GALNT13: variants seen among roughly 807,000 people sequenced by gnomAD.
The protein encoded by GALNT13 is polypeptide N-acetylgalactosaminyltransferase 13.
In GALNT13, 28 loss-of-function variants were observed where a neutral mutation model predicts 64.2. That is an observed-to-expected ratio of 0.44 (90% CI 0.32 to 0.60). GALNT13 has a LOEUF of 0.60. Ranked by LOEUF, GALNT13 falls within the 20% of genes least tolerant of loss-of-function variation. The pLI is 0.05. For synonymous variants in GALNT13, 214 were observed against 224.6 expected, an observed-to-expected ratio of 0.95 and a Z score of 0.42; for missense variants, 577 against 669.8, an observed-to-expected ratio of 0.86 and a Z score of 1.53.
At chr2:154,236,198 A>ATGTGTT (rs751331859) in intron 4 of GALNT13, 294 of 1,042,208 alleles carry the variant, frequency 2.8e-4, no homozygotes, top group Non-Finnish European at 3.3e-4. Flanking sequence ...TCCTACTTTT[A>ATGTGTT]TAAGATATAA....
At chr2:153,679,990 T>C in the GALNT13 span, among the ~76,000 whole-genome samples, 2 of 151,936 alleles carry the variant, frequency 1.3e-5, no homozygotes, top group Non-Finnish European at 2.9e-5. Flanking sequence ...TAGTTTTATC[T>C]TCAGTATAAA....
the GALNT13 span, among the ~76,000 whole-genome samples, chr2:153,212,735 C>G: frequency 6.6e-6 from 1 of 152,088 alleles, no homozygotes; most frequent in African/African-American, 2.4e-5. Context: ...ATCAAGGATT[C>G]TTTTTATTAT....
intron 9 of GALNT13, among the ~76,000 whole-genome samples, chr2:154,392,165 C>G (rs576773654): frequency 1.7e-4 from 26 of 152,258 alleles, no homozygotes; most frequent in African/African-American, 5.5e-4. Flanking sequence ...CTGTGTCCTG[C>G]TGCTTGCTGC....
intron 9 of GALNT13, among the ~76,000 whole-genome samples, chr2:154,370,328 C>T (rs1011222768): frequency 2.6e-5 from 4 of 151,962 alleles, no homozygotes; most frequent in Non-Finnish European, 5.9e-5. Context: ...GTCTGATATG[C>T]GTTTTTCAAA....
intron 3 of GALNT13, among the ~76,000 whole-genome samples, chr2:154,119,429 T>C (rs116088975): frequency 0.014 from 2,202 of 152,282 alleles, 24 homozygotes; most frequent in Non-Finnish European, 0.022. Flanking sequence ...TGAATTTGAC[T>C]GAGCTCTGTG....
chr2:154,283,441 G>A lies in GALNT13; in HGVS notation c.976-17968G>A, dbSNP rs145468932. On this transcript the variant is annotated intron_variant, in intron 8 of 12. Transcript: ENST00000392825. ...ATCAATTATTATTGAGCACTGATATGAGCTAAACTTTTTTTAGACTTTGCA... is the reference window on the plus strand; with the variant it reads ...ATCAATTATTATTGAGCACTGATATAAGCTAAACTTTTTTTAGACTTTGCA... Among the ~76,000 whole-genome samples the A allele has an allele frequency of 6.6e-5, 10 of 151,926 alleles. No homozygotes were observed. The East Asian group carries it at 1.9e-3, about 29-fold the overall frequency.
At chr2:153,630,809 T>TATATATTTATTTA in the GALNT13 span, among the ~76,000 whole-genome samples, 1 of 14,078 alleles carries the variant, frequency 7.1e-5, no homozygotes, top group Non-Finnish European at 1.2e-4. Flanking sequence ...ATATATATAT[T>TATATATTTATTTA]TTTTTTTTTT....
chr2:153,413,401 T>C, the GALNT13 span, among the ~76,000 whole-genome samples: 1 of 152,120 alleles, frequency 6.6e-6, no homozygotes, highest in Non-Finnish European at 1.5e-5. Flanking sequence ...AAAACACCCT[T>C]GCCTTGTACC....
At chr2:153,322,951 A>G in the GALNT13 span, among the ~76,000 whole-genome samples, 3 of 152,190 alleles carry the variant, frequency 2.0e-5, no homozygotes, top group South Asian at 2.1e-4. Context: ...TAGTGCTTCA[A>G]TAAACATACG....
the GALNT13 span, among the ~76,000 whole-genome samples, chr2:153,383,872 G>A: frequency 6.6e-6 from 1 of 151,968 alleles, no homozygotes; most frequent in Non-Finnish European, 1.5e-5. Context: ...AGGATGTTAA[G>A]ACTCATGGGG....
the GALNT13 span, among the ~76,000 whole-genome samples, chr2:153,605,027 A>G: frequency 6.6e-6 from 1 of 152,028 alleles, no homozygotes; most frequent in Non-Finnish European, 1.5e-5. Context: ...CAAAATTCGT[A>G]TCTCCTGACC....
chr2:153,814,967 C>G, the GALNT13 span, among the ~76,000 whole-genome samples: 2 of 152,146 alleles, frequency 1.3e-5, no homozygotes, highest in Non-Finnish European at 2.9e-5. Context: ...AAAAATTTTT[C>G]TGCATAGAGA....
At chr2:153,863,689 T>G in the GALNT13 span, among the ~76,000 whole-genome samples, 3 of 152,274 alleles carry the variant, frequency 2.0e-5, no homozygotes, top group East Asian at 5.8e-4. Context: ...ATTCATAAGC[T>G]TTAATAAGCA....
At chr2:153,739,610 A>G in the GALNT13 span, among the ~76,000 whole-genome samples, 18 of 132,798 alleles carry the variant, frequency 1.4e-4, no homozygotes, top group South Asian at 3.9e-3. Context: ...ATTTATTAAA[A>G]ATGAGATTTT....
chr2:154,182,755 A>G (rs1485503222), intron 4 of GALNT13, among the ~76,000 whole-genome samples: 1 of 151,450 alleles, frequency 6.6e-6, no homozygotes, highest in African/African-American at 2.4e-5. Flanking sequence ...TTTTAAAATA[A>G]GAGTAGGCCT....
At chr2:154,107,242 T>C (rs528639674) in intron 3 of GALNT13, among the ~76,000 whole-genome samples, 3 of 152,304 alleles carry the variant, frequency 2.0e-5, no homozygotes, top group African/African-American at 7.2e-5. Context: ...TATTTCTTTA[T>C]AACAACATGA....
intron 9 of GALNT13, among the ~76,000 whole-genome samples, chr2:154,315,754 AT>A (rs765952750): frequency 1.6e-4 from 24 of 152,226 alleles, no homozygotes; most frequent in Non-Finnish European, 3.2e-4. Context: ...TGAAAGACTT[AT>A]TGTTGGTTAC....
At chr2:153,329,398 G>T in the GALNT13 span, among the ~76,000 whole-genome samples, 1 of 152,194 alleles carries the variant, frequency 6.6e-6, no homozygotes, top group Non-Finnish European at 1.5e-5. Context: ...TATCAACAGT[G>T]TATAAGAATT....
chr2:153,817,085 A>G, the GALNT13 span, among the ~76,000 whole-genome samples: 1 of 152,214 alleles, frequency 6.6e-6, no homozygotes, highest in Non-Finnish European at 1.5e-5. Flanking sequence ...AGTGCATCAT[A>G]TAAAAGAAGT....
Sources: gnomAD v4.1 joint callset for allele counts (sites outside exome capture counted in the v4.1 genomes callset) on GRCh38, gnomAD v4.1.1 for gene constraint, MANE v1.5 for transcripts, NCBI Gene and HGNC (gene_info 2026-07-23, HGNC 2026-07-21) for gene names.